The following SGIP1 variants were observed in gnomAD, a reference collection of about 807,000 sequenced individuals.
SGIP1 encodes SH3-containing GRB2-like protein 3-interacting protein 1.
SGIP1 carries 38 observed loss-of-function variants against 107.5 expected under a neutral mutation model. That is an observed-to-expected ratio of 0.35 (90% CI 0.27 to 0.46). The LOEUF is 0.46. SGIP1 is among the 20% of genes least tolerant of loss of function. The pLI, the probability that SGIP1 is intolerant of heterozygous loss-of-function variation, is 1.00. For synonymous variants in SGIP1, 365 were observed against 366.1 expected, an observed-to-expected ratio of 1.00 and a Z score of 0.03; for missense variants, 929 against 1,019.5, an observed-to-expected ratio of 0.91 and a Z score of 1.21.
intron 1 of SGIP1, among the ~76,000 whole-genome samples, chr1:66,593,248 A>G (rs561547576): frequency 2.3e-4 from 35 of 152,312 alleles, no homozygotes; most frequent in African/African-American, 8.2e-4. Flanking sequence ...TAAAGCTGCT[A>G]TAAACGTCCA....
intron 1 of SGIP1, among the ~76,000 whole-genome samples, chr1:66,544,357 C>T (rs2055806209): frequency 6.6e-6 from 1 of 152,118 alleles, no homozygotes. Flanking sequence ...TTCCTTACCA[C>T]AAGCAGTTTC....
chr1:66,585,005 A>G (rs775518596), intron 1 of SGIP1, among the ~76,000 whole-genome samples: 2 of 152,218 alleles, frequency 1.3e-5, no homozygotes, highest in African/African-American at 2.4e-5. Context: ...TTTCCCTTGA[A>G]CTGAATTCAG....
At chr1:66,540,330 A>T (rs1337279813) in intron 1 of SGIP1, among the ~76,000 whole-genome samples, 1 of 152,214 alleles carries the variant, frequency 6.6e-6, no homozygotes, top group Non-Finnish European at 1.5e-5. Context: ...AAAGAGGCAC[A>T]TTGTAGCACC....
intron 21 of SGIP1, among the ~76,000 whole-genome samples, chr1:66,736,410 TGA>T (rs2094249922): frequency 4.0e-5 from 2 of 49,454 alleles, no homozygotes; most frequent in African/African-American, 7.0e-5. Flanking sequence ...ATATTATATG[TGA>T]ATATAATATA....
intron 14 of SGIP1, among the ~76,000 whole-genome samples, chr1:66,681,017 G>A (rs903839210): frequency 6.6e-6 from 1 of 152,196 alleles, no homozygotes; most frequent in Non-Finnish European, 1.5e-5. Flanking sequence ...TAGCAAAACA[G>A]ACATGTTGGT....
chr1:66,734,079 A>C (rs2094130634), intron 21 of SGIP1, among the ~76,000 whole-genome samples, 199 bp downstream of exon 21: 1 of 152,204 alleles, frequency 6.6e-6, no homozygotes, highest in Non-Finnish European at 1.5e-5. Context: ...TTATTAGTTT[A>C]AGCTTACAAG....
Position 66,746,671 on chromosome 1 carries a change from G to C in SGIP1, c.*3576G>C, listed in dbSNP as rs1474950141. On this transcript the variant is annotated 3_prime_UTR_variant, in exon 25 of 25. Coordinates refer to ENST00000371037, the MANE Select transcript of SGIP1 (RefSeq NM_032291.4). The stretch of plus-strand genomic sequence containing the variant: ...CTGTTTTACAAGTGATGACACTGAG[G>C]CTTAAATAGAATAATCTCCCCAAAA... 4 of 152,088 alleles carry C rather than the reference G, an allele frequency of 2.6e-5. No homozygotes were observed. The highest frequency in any genetic ancestry group is 4.4e-5 in the Non-Finnish European group (3 of 67,914). 9.4% of individuals were successfully genotyped at this position (152,088 alleles called of 1,614,324 possible).
intron 15 of SGIP1, among the ~76,000 whole-genome samples, chr1:66,687,355 G>A (rs527243662): frequency 6.6e-6 from 1 of 150,442 alleles, no homozygotes; most frequent in Non-Finnish European, 1.5e-5. Flanking sequence ...TGATCCCTAT[G>A]CTGTTACTTC....
intron 1 of SGIP1, among the ~76,000 whole-genome samples, chr1:66,569,068 T>G (rs12128496): frequency 0.15 from 23,425 of 151,942 alleles, 2,362 homozygotes; most frequent in East Asian, 0.45. Context: ...GAGAATTGTA[T>G]GGGATGAGGT....
intron 18 of SGIP1, among the ~76,000 whole-genome samples, chr1:66,698,054 C>T (rs1014973125): frequency 1.7e-4 from 26 of 152,142 alleles, no homozygotes; most frequent in African/African-American, 6.0e-4. Context: ...AGTATTTTTA[C>T]AGTGTTCAAA....
Position 66,749,912 on chromosome 1 carries a change from G to A in SGIP1, c.*6817G>A, listed in dbSNP as rs2094601153. ...TGCTAGAATGATAATTCATATAGCT[G>A]TGTTGATTTTTCAGGTCAGAATTTA... On this transcript the variant is annotated 3_prime_UTR_variant, in exon 25 of 25. Coordinates refer to ENST00000371037, the MANE Select transcript of SGIP1 (RefSeq NM_032291.4). 6.6e-6 allele frequency among the ~76,000 whole-genome samples: 1 copy of A among 151,982 alleles called. No individual in the cohort carries two copies. The highest frequency in any genetic ancestry group is 2.4e-5 in the African/African-American group (1 of 41,400).
chr1:66,718,268 C>G (rs146997486), intron 18 of SGIP1, among the ~76,000 whole-genome samples: 3 of 151,876 alleles, frequency 2.0e-5, no homozygotes, highest in Non-Finnish European at 4.4e-5. Flanking sequence ...GAAGGGGAAG[C>G]AGTGAGTATT....
intron 1 of SGIP1, among the ~76,000 whole-genome samples, chr1:66,615,019 C>G (rs1167177654): frequency 1.3e-5 from 2 of 151,828 alleles, no homozygotes; most frequent in East Asian, 3.9e-4. Context: ...CGGGGTTTCT[C>G]CATGTTGGTC....
rs375278553 is a variant in SGIP1 at position 66,694,486 on chromosome 1, C to T, written c.1571-948C>T. ...TGACAAACTGCCCTCGTTTGAAAGG[C>T]GCTGTGAAACGCCTGCAGGTATGGT... On this transcript the variant is annotated intron_variant, in intron 17 of 24. Transcript: ENST00000371037. 4.1e-5 allele frequency: 66 copies of T among 1,604,500 alleles called. No individual in the cohort carries two copies. In the South Asian group the frequency reaches 5.7e-4, roughly 14 times the overall value.
At chr1:66,578,387 A>C (rs2148701413) in intron 1 of SGIP1, among the ~76,000 whole-genome samples, 1 of 152,338 alleles carries the variant, frequency 6.6e-6, no homozygotes, top group African/African-American at 2.4e-5. Context: ...GGGAAGATCA[A>C]ATCATGAGAA....
At chr1:66,626,641 C>CT (rs1022258276) in intron 2 of SGIP1, among the ~76,000 whole-genome samples, 4 of 152,160 alleles carry the variant, frequency 2.6e-5, no homozygotes, top group African/African-American at 9.7e-5. Flanking sequence ...CCTCAGTTGC[C>CT]TTTTGCAGCC....
intron 15 of SGIP1, among the ~76,000 whole-genome samples, 187 bp from the exon 16 acceptor site, chr1:66,688,961 G>A (rs1180069429): frequency 6.7e-6 from 1 of 150,162 alleles, no homozygotes; most frequent in African/African-American, 2.5e-5. Context: ...ATCAACCATA[G>A]CTGAAATCAT....
chr1:66,708,990 T>C (rs955374895), intron 18 of SGIP1, among the ~76,000 whole-genome samples: 3 of 152,074 alleles, frequency 2.0e-5, no homozygotes, highest in African/African-American at 7.2e-5. Flanking sequence ...AATTTTTTTT[T>C]CTGTTTGTTT....
In SGIP1 at chr1:66,643,737, G is replaced by T; in HGVS notation, c.459+18G>T. 2 of 1,588,746 alleles carry T rather than the reference G, an allele frequency of 1.3e-6. No homozygotes were observed. The highest frequency in any genetic ancestry group is 1.7e-6 in the Non-Finnish European group (2 of 1,170,156). Reference sequence around the variant, plus strand: ...CACCAGTGGTGAGTGTTGTGTGTGTGTGTGTTAAGCTTTAGTGAGATTGAA... The same window carrying T: ...CACCAGTGGTGAGTGTTGTGTGTGTTTGTGTTAAGCTTTAGTGAGATTGAA... On this transcript the variant is annotated intron_variant, in intron 7 of 24. Coordinates refer to ENST00000371037, the MANE Select transcript of SGIP1 (RefSeq NM_032291.4).
Sources: gnomAD v4.1 joint callset for allele counts (sites outside exome capture counted in the v4.1 genomes callset) on GRCh38, gnomAD v4.1.1 for gene constraint, MANE v1.5 for transcripts, NCBI Gene and HGNC (gene_info 2026-07-23, HGNC 2026-07-21) for gene names.